The following STK31 variants were observed in gnomAD, a reference collection of about 807,000 sequenced individuals.
The protein encoded by STK31 is serine/threonine-protein kinase 31.
A neutral mutation model predicts 129.7 loss-of-function variants in STK31; 89 were observed. The ratio of observed to expected loss-of-function variants is 0.69; its 90% CI spans 0.58 to 0.82. The LOEUF is 0.82. Among genes scored for constraint, STK31 ranks in the 40% least tolerant of loss-of-function variants. STK31 has a pLI of 0.00. For synonymous variants in STK31, 448 were observed against 395.3 expected (o/e 1.13, Z -1.58); for missense variants, 1,187 against 1,176.4 (o/e 1.01, Z -0.13).
intron 8 of STK31, among the ~76,000 whole-genome samples, chr7:23,748,081 G>A (rs530417829): frequency 3.9e-5 from 6 of 152,188 alleles, no homozygotes; most frequent in Non-Finnish European, 7.4e-5. Context: ...TAATATATAC[G>A]CATTTCAATG....
In STK31 at chr7:23,815,222, C is replaced by CT. The variant is rs1467426084; in HGVS notation, c.2829+15dup. 1.3e-6 allele frequency: 2 copies of CT among 1,560,390 alleles called. No homozygotes were observed. The highest frequency in any genetic ancestry group is 2.3e-5 in the East Asian group (1 of 42,742). On this transcript the variant is annotated intron_variant, in intron 23 of 23. Transcript: ENST00000355870. Reference sequence around the variant, plus strand: ...GGATCAGTTTCATCTGGTATGTGACCTTTTTGACATTTACTGGTTTGAAAC... The same window carrying CT: ...GGATCAGTTTCATCTGGTATGTGACCTTTTTTGACATTTACTGGTTTGAAAC...
chr7:23,725,561 C>T (rs972915646), intron 4 of STK31, among the ~76,000 whole-genome samples: 1 of 151,716 alleles, frequency 6.6e-6, no homozygotes, highest in Non-Finnish European at 1.5e-5. Flanking sequence ...TAGTTATCAG[C>T]CTGCAGTGAT....
intron 22 of STK31, among the ~76,000 whole-genome samples, chr7:23,807,321 A>G (rs6955740): frequency 0.026 from 4,009 of 152,236 alleles, 158 homozygotes; most frequent in African/African-American, 0.079. Flanking sequence ...CACTGGGAAT[A>G]GAATTCTGGA....
At chr7:23,783,550 C>T in intron 16 of STK31, 33 bp from the exon 17 acceptor site, 1 of 1,526,270 alleles carries the variant, frequency 6.6e-7, no homozygotes, top group Non-Finnish European at 8.9e-7. Context: ...ATATATTGAT[C>T]TACAGTTAAA....
At chr7:23,775,176 C>G (rs560296586) in intron 15 of STK31, among the ~76,000 whole-genome samples, 1 of 152,194 alleles carries the variant, frequency 6.6e-6, no homozygotes, top group East Asian at 1.9e-4. Flanking sequence ...TCTTTGTGTT[C>G]CATTGGTCTG....
In STK31 at chr7:23,735,741, T is replaced by G; in HGVS notation, c.687T>G (p.Gly229=). 6.2e-7 allele frequency: 1 copy of G among 1,614,084 alleles called. No homozygotes were observed. Among genetic ancestry groups the G allele is most frequent in the Non-Finnish European group, 8.5e-7 (1 of 1,180,014 alleles). ...DICEEKKLDP[G]QLVLRNLKSP... is the part of the protein sequence containing the mutation. ...GTGAGGAAAAAAAATTGGATCCTGG[T>G]CAACTTGTTCTCAGGAACCTCAAAA... Residue 229 remains glycine, a synonymous_variant, in exon 7 of 24, where the codon GGT becomes GGG. Coordinates refer to ENST00000355870, the MANE Select transcript of STK31 (RefSeq NM_031414.5).
intron 22 of STK31, among the ~76,000 whole-genome samples, chr7:23,794,172 T>C (rs1382972406): frequency 6.6e-6 from 1 of 152,152 alleles, no homozygotes; most frequent in African/African-American, 2.4e-5. Context: ...CACATTGAAT[T>C]GTAATCCCCA....
At chr7:23,710,998 A>G (rs1054796823) in intron 1 of STK31, among the ~76,000 whole-genome samples, 3 of 152,186 alleles carry the variant, frequency 2.0e-5, no homozygotes, top group Non-Finnish European at 4.4e-5. Context: ...TTTTCATGCC[A>G]CTTACGAAAA....
chr7:23,716,176 TG>T (rs1244380081), intron 3 of STK31, among the ~76,000 whole-genome samples: 3 of 152,228 alleles, frequency 2.0e-5, no homozygotes, highest in African/African-American at 7.2e-5. Flanking sequence ...AGTTTTTCCT[TG>T]TATTTCAAGA....
intron 8 of STK31, among the ~76,000 whole-genome samples, chr7:23,752,233 G>A (rs1188123995): frequency 6.6e-6 from 1 of 152,056 alleles, no homozygotes. Flanking sequence ...ATAATGTATA[G>A]TTTGTTTAGA....
At chr7:23,778,001 T>TCCTTTAGGAGCTC in intron 15 of STK31, among the ~76,000 whole-genome samples, 1 of 152,308 alleles carries the variant, frequency 6.6e-6, no homozygotes, top group East Asian at 1.9e-4. Flanking sequence ...ATTTAGTGCT[T>TCCTTTAGGAGCTC]CCTTTAGGAG....
chr7:23,778,672 T>G (rs1346632331), intron 15 of STK31, among the ~76,000 whole-genome samples: 1 of 152,118 alleles, frequency 6.6e-6, no homozygotes, highest in Non-Finnish European at 1.5e-5. Context: ...ACTTTGTTTT[T>G]CAGCTCCATG....
chr7:23,739,973 T>C (rs943478691), intron 8 of STK31, among the ~76,000 whole-genome samples: 3 of 152,210 alleles, frequency 2.0e-5, no homozygotes, highest in African/African-American at 7.2e-5. Flanking sequence ...TTTGGTTCCA[T>C]ATGAAATTTA....
chr7:23,729,299 C>G, intron 6 of STK31, 50 bp downstream of exon 6: 1 of 1,483,522 alleles, frequency 6.7e-7, no homozygotes, highest in South Asian at 1.4e-5. Flanking sequence ...AAACTATGTG[C>G]TTGAAACAAA....
At chr7:23,827,023 G>C (rs6461741) in intron 23 of STK31, among the ~76,000 whole-genome samples, 115,899 of 151,996 alleles carry the variant, frequency 0.76, 44,783 homozygotes, top group African/African-American at 0.88. Flanking sequence ...TCTGGCTGCC[G>C]TTAACATTTT....
chr7:23,754,655 C>T (rs546806205), intron 10 of STK31, among the ~76,000 whole-genome samples, 181 bp downstream of exon 10: 80 of 152,300 alleles, frequency 5.3e-4, no homozygotes, highest in Non-Finnish European at 1.1e-3. Context: ...CCTCACCCCC[C>T]CATTTCCTAA....
At chr7:23,815,279 T>G in intron 23 of STK31, 67 bp downstream of exon 23, 1 of 1,139,154 alleles carries the variant, frequency 8.8e-7, no homozygotes, top group Middle Eastern at 2.1e-4. Flanking sequence ...GATATCTGAC[T>G]GAAAGTTGTC....
intron 4 of STK31, among the ~76,000 whole-genome samples, 157 bp from the exon 5 acceptor site, chr7:23,727,084 A>G (rs1037675165): frequency 1.3e-5 from 2 of 152,200 alleles, no homozygotes; most frequent in African/African-American, 4.8e-5. Context: ...ACATAGTGGC[A>G]TAAACAAAGT....
At chr7:23,723,931 C>T (rs1399747087) in intron 4 of STK31, among the ~76,000 whole-genome samples, 3 of 152,088 alleles carry the variant, frequency 2.0e-5, no homozygotes, top group South Asian at 2.1e-4. Context: ...GCCAAAGAGA[C>T]GGCTAATGCT....
Sources: gnomAD v4.1 joint callset for allele counts (sites outside exome capture counted in the v4.1 genomes callset) on GRCh38, gnomAD v4.1.1 for gene constraint, MANE v1.5 for transcripts, NCBI Gene and HGNC (gene_info 2026-07-23, HGNC 2026-07-21) for gene names.